The following TAB2 variants were observed in gnomAD, a reference collection of about 807,000 sequenced individuals.
TAB2 encodes TGF-beta activated kinase 1 (MAP3K7) binding protein 2, also known as TGF-beta-activated kinase 1 and MAP3K7-binding protein 2.
TAB2 carries 3 observed loss-of-function variants against 65.0 expected under a neutral mutation model. The observed-to-expected ratio is 0.05, with a 90% CI of 0.02 to 0.12. TAB2 has a LOEUF of 0.12. Ranked by LOEUF, TAB2 falls within the 10% of genes least tolerant of loss-of-function variation. TAB2 has a pLI of 1.00. For missense variants in TAB2, 623 were observed against 840.3 expected (o/e 0.74, Z 3.20); for synonymous variants, 298 against 285.1 (o/e 1.05, Z -0.46).
At chr6:149,346,599 GCC>G (rs1780313620) in intron 1 of TAB2, 1 of 151,912 alleles carries the variant, frequency 6.6e-6, no homozygotes, top group Non-Finnish European at 1.5e-5. Flanking sequence ...GATTACAGGT[GCC>G]TGCCACCACG....
chr6:149,254,335 TG>T (rs1306041486), intron 1 of TAB2, among the ~76,000 whole-genome samples: 1 of 152,160 alleles, frequency 6.6e-6, no homozygotes, highest in Non-Finnish European at 1.5e-5. Context: ...GACCAGCCAC[TG>T]GGTTTTCATG....
At chr6:149,345,576 A>G (rs1780267404) in intron 1 of TAB2, among the ~76,000 whole-genome samples, 1 of 152,196 alleles carries the variant, frequency 6.6e-6, no homozygotes, top group Non-Finnish European at 1.5e-5. Flanking sequence ...AAAAATTGGG[A>G]CAGATGACTA....
In TAB2 at chr6:149,331,007, CTGTT is replaced by C. The variant is rs568353767; in HGVS notation, c.-90+12995_-90+12998del. 1.2e-4 allele frequency among the ~76,000 whole-genome samples: 18 copies of C among 152,246 alleles called. No homozygotes were observed. In the East Asian group the frequency reaches 3.1e-3, roughly 26 times the overall value. ...TGCCTGTCCCTCCACCACTACCACACTGTTTGATTACTATTGCTATATAGTAAGT... is the reference window on the plus strand; with the variant it reads ...TGCCTGTCCCTCCACCACTACCACACTGATTACTATTGCTATATAGTAAGT... On this transcript the variant is annotated intron_variant, in intron 1 of 6. Coordinates refer to ENST00000637181, the MANE Select transcript of TAB2 (RefSeq NM_001292034.3).
intron 1 of TAB2, chr6:149,304,243 T>C (rs1301741269): frequency 2.0e-5 from 3 of 152,540 alleles, no homozygotes; most frequent in South Asian, 2.1e-4. Flanking sequence ...AGTCATTATC[T>C]AAGGTTATGG....
intron 1 of TAB2, among the ~76,000 whole-genome samples, chr6:149,306,937 C>T (rs577672): frequency 0.52 from 78,672 of 152,008 alleles, 23,136 homozygotes; most frequent in African/African-American, 0.82. Context: ...TCCTTTTTAA[C>T]CTGTGTTTCA....
intron 1 of TAB2, chr6:149,255,342 T>C (rs1777999950): frequency 6.6e-6 from 1 of 152,226 alleles, no homozygotes; most frequent in Non-Finnish European, 1.5e-5. Flanking sequence ...CCTCCAGAAC[T>C]GTGAGAAATA....
chr6:149,389,660 A>G (rs1046548805), intron 3 of TAB2, among the ~76,000 whole-genome samples: 12 of 149,300 alleles, frequency 8.0e-5, no homozygotes, highest in African/African-American at 2.9e-4. Context: ...AAAAAAAAAA[A>G]AAAAAGGTAT....
chr6:149,234,596 A>T (rs1020458293), intron 1 of TAB2, among the ~76,000 whole-genome samples: 3 of 152,324 alleles, frequency 2.0e-5, no homozygotes, highest in Non-Finnish European at 4.4e-5. Context: ...TACCTTGCAA[A>T]TGACGCTGTC....
chr6:149,290,610 A>G (rs1322398940), intron 1 of TAB2, among the ~76,000 whole-genome samples: 1 of 152,100 alleles, frequency 6.6e-6, no homozygotes, highest in Non-Finnish European at 1.5e-5. Context: ...CTGGGAGGCC[A>G]AGGTGGGTGG....
chr6:149,384,902 C>T (rs1277725150), intron 3 of TAB2, among the ~76,000 whole-genome samples: 1 of 152,072 alleles, frequency 6.6e-6, no homozygotes, highest in Non-Finnish European at 1.5e-5. Flanking sequence ...ATACAATTTC[C>T]ACACAACTCC....
intron 1 of TAB2, among the ~76,000 whole-genome samples, chr6:149,324,525 C>T (rs1449199950): frequency 6.6e-6 from 1 of 152,082 alleles, no homozygotes; most frequent in East Asian, 1.9e-4. Context: ...GAGCACATCA[C>T]AAGTTTGCTT....
intron 1 of TAB2, among the ~76,000 whole-genome samples, chr6:149,262,753 A>C (rs1778180868): frequency 6.6e-6 from 1 of 152,024 alleles, no homozygotes; most frequent in Admixed American, 6.6e-5. Flanking sequence ...AATCCAAGAG[A>C]AACTTAATAT....
chr6:149,226,417 C>G (rs1032009370), intron 1 of TAB2, among the ~76,000 whole-genome samples: 1 of 152,190 alleles, frequency 6.6e-6, no homozygotes, highest in African/African-American at 2.4e-5. Context: ...TAACTGGCAT[C>G]CATAATCCTC....
chr6:149,347,180 T>A (rs1177841279), intron 1 of TAB2: 1 of 152,244 alleles, frequency 6.6e-6, no homozygotes. Context: ...GAAAATGTAG[T>A]ACCTACCACA....
intron 1 of TAB2, among the ~76,000 whole-genome samples, chr6:149,297,308 T>G (rs914103762): frequency 3.3e-5 from 5 of 152,194 alleles, no homozygotes; most frequent in African/African-American, 1.2e-4. Context: ...AAATTCAGGA[T>G]CCAATCAAGG....
At chr6:149,377,350 CTG>C (rs1394885746) in intron 2 of TAB2, among the ~76,000 whole-genome samples, 1 of 151,498 alleles carries the variant, frequency 6.6e-6, no homozygotes, top group Non-Finnish European at 1.5e-5. Flanking sequence ...TAAAAACAAT[CTG>C]AGGTTTTTTT....
intron 1 of TAB2, among the ~76,000 whole-genome samples, chr6:149,293,370 G>T (rs1487641158): frequency 6.6e-6 from 1 of 152,200 alleles, no homozygotes; most frequent in Non-Finnish European, 1.5e-5. Context: ...AGGCTGGAAA[G>T]TGCAATTGAA....
At chr6:149,275,297 A>G (rs181877263) in intron 1 of TAB2, among the ~76,000 whole-genome samples, 48 of 141,514 alleles carry the variant, frequency 3.4e-4, no homozygotes, top group South Asian at 2.3e-4. Context: ...AGAAAGAAAG[A>G]AAGAGAAAAA....
At chr6:149,288,603 C>T (rs1778718166) in intron 1 of TAB2, among the ~76,000 whole-genome samples, 1 of 152,184 alleles carries the variant, frequency 6.6e-6, no homozygotes, top group Non-Finnish European at 1.5e-5. Context: ...AAAAGCTTAA[C>T]TCCAGAACAC....
Sources: gnomAD v4.1 joint callset for allele counts (sites outside exome capture counted in the v4.1 genomes callset) on GRCh38, gnomAD v4.1.1 for gene constraint, MANE v1.5 for transcripts, NCBI Gene and HGNC (gene_info 2026-07-23, HGNC 2026-07-21) for gene names.